Variants in PODXL observed in about 807,000 individuals in gnomAD.
PODXL encodes the protein podocalyxin like.
PODXL carries 20 observed loss-of-function variants against 48.9 expected under a neutral mutation model. The ratio of observed to expected loss-of-function variants is 0.41; its 90% CI spans 0.29 to 0.59. The LOEUF is 0.59. Ranked by LOEUF, PODXL falls within the 20% of genes least tolerant of loss-of-function variation. PODXL has a pLI of 0.31. For synonymous variants in PODXL, 295 were observed against 287.4 expected, an observed-to-expected ratio of 1.03 and a Z score of -0.27; for missense variants, 606 against 675.1, an observed-to-expected ratio of 0.90 and a Z score of 1.13.
At chr7:131,532,415 G>A (rs1204039754) in intron 1 of PODXL, among the ~76,000 whole-genome samples, 32 of 142,422 alleles carry the variant, frequency 2.2e-4, no homozygotes, top group East Asian at 6.0e-4. Flanking sequence ...CAGCCTGGGC[G>A]ACAAAGCAAG....
chr7:131,556,491 G>A lies in PODXL; in HGVS notation c.-132C>T. The A allele has an allele frequency of 9.0e-7, 1 of 1,109,900 alleles. No homozygotes were observed. Among genetic ancestry groups the A allele is most frequent in the Admixed American group, 4.3e-5 (1 of 23,162 alleles). The allele number at this position is 1,109,900 out of a possible 1,614,324, so 68.8% of individuals were successfully genotyped here. ...CTCCGGAGGCCAGGCTGTGGCCCGGGGCTCCCGAGTCGCGCTGCGGCGGCT... is the reference window on the plus strand; with the variant it reads ...CTCCGGAGGCCAGGCTGTGGCCCGGAGCTCCCGAGTCGCGCTGCGGCGGCT... On this transcript the variant is annotated 5_prime_UTR_variant, in exon 1 of 9. Coordinates refer to ENST00000378555, the MANE Select transcript of PODXL (RefSeq NM_001018111.3).
intron 1 of PODXL, among the ~76,000 whole-genome samples, chr7:131,547,219 C>T (rs1798593332): frequency 6.6e-6 from 1 of 151,872 alleles, no homozygotes; most frequent in Non-Finnish European, 1.5e-5. Context: ...ACTAAAAATA[C>T]AAACTTAGGT....
chr7:131,515,808 C>T (rs546964930), intron 1 of PODXL, among the ~76,000 whole-genome samples: 121 of 152,304 alleles, frequency 7.9e-4, no homozygotes, highest in African/African-American at 2.7e-3. Flanking sequence ...TACCACTGCT[C>T]TCCTGTAAGA....
intron 5 of PODXL, among the ~76,000 whole-genome samples, chr7:131,508,215 G>A (rs1040400538): frequency 6.6e-6 from 1 of 152,184 alleles, no homozygotes; most frequent in African/African-American, 2.4e-5. Context: ...TCACACGCAC[G>A]CTCACCACCC....
At chr7:131,537,883 G>C (rs560596439) in intron 1 of PODXL, among the ~76,000 whole-genome samples, 7 of 152,142 alleles carry the variant, frequency 4.6e-5, no homozygotes, top group Non-Finnish European at 1.0e-4. Flanking sequence ...TCCTTCTCGT[G>C]GTGTGCGGTC....
chr7:131,548,253 CG>C (rs1432688048), intron 1 of PODXL, among the ~76,000 whole-genome samples: 1 of 152,262 alleles, frequency 6.6e-6, no homozygotes, highest in Non-Finnish European at 1.5e-5. Flanking sequence ...GCTACAGAGA[CG>C]TCCAAGGTTT....
At chr7:131,530,157 C>CA (rs1258910552) in intron 1 of PODXL, among the ~76,000 whole-genome samples, 1 of 141,582 alleles carries the variant, frequency 7.1e-6, no homozygotes, top group African/African-American at 2.5e-5. Context: ...CCCACCCCCC[C>CA]ACCCCCAGCT....
At chr7:131,509,704 G>A (rs757509434) in intron 3 of PODXL, 119 bp from the exon 4 acceptor site, 17 of 619,210 alleles carry the variant, frequency 2.7e-5, no homozygotes, top group South Asian at 2.4e-4. Flanking sequence ...CCACAGAGAC[G>A]GAAGAAGTGG....
chr7:131,504,572 A>C, intron 8 of PODXL, 64 bp from the exon 9 acceptor site: 1 of 1,350,730 alleles, frequency 7.4e-7, no homozygotes, highest in Non-Finnish European at 1.1e-6. Context: ...AATACAGCGC[A>C]TGTACGTACC....
chr7:131,505,853 C>G lies in PODXL; in HGVS notation c.1479+15G>C, dbSNP rs1034679460. On this transcript the variant is annotated intron_variant, in intron 8 of 8. Coordinates refer to ENST00000378555, the MANE Select transcript of PODXL (RefSeq NM_001018111.3). ...CTGGGCTGCTTCCCCTGTGTGGCTGCAAACAGCTGCTTACCTGGTCCTTCC... is the reference window on the plus strand; with the variant it reads ...CTGGGCTGCTTCCCCTGTGTGGCTGGAAACAGCTGCTTACCTGGTCCTTCC... 1.3e-6 allele frequency: 2 copies of G among 1,549,380 alleles called. No homozygotes were observed. The highest frequency in any genetic ancestry group is 1.4e-5 in the African/African-American group (1 of 73,564).
At position 131,525,426 on chromosome 7, in the gene PODXL, C is replaced by CAAAAAAAAA. The variant is rs57927217; in HGVS notation, c.101-14002_101-13994dup. 1.9e-4 allele frequency among the ~76,000 whole-genome samples: 11 copies of CAAAAAAAAA among 59,232 alleles called. 1 individual carries two copies. The highest frequency in any genetic ancestry group is 7.3e-4 in the South Asian group (1 of 1,372). 38.9% of individuals were successfully genotyped at this position (59,232 alleles called of 152,430 possible). ...CAACATGGCAAAACCTCATCTCTAC[C>CAAAAAAAAA]AAAAAAAAAAAAAAAAAAAAAAAAA... On this transcript the variant is annotated intron_variant, in intron 1 of 8. Transcript: ENST00000378555.
intron 1 of PODXL, among the ~76,000 whole-genome samples, chr7:131,555,144 C>A (rs1366857327): frequency 6.6e-6 from 1 of 152,140 alleles, no homozygotes; most frequent in Non-Finnish European, 1.5e-5. Context: ...CTCCCCTGGC[C>A]CCTTAGAGTC....
intron 1 of PODXL, among the ~76,000 whole-genome samples, chr7:131,544,153 C>T (rs1379752486): frequency 6.6e-6 from 1 of 152,226 alleles, no homozygotes; most frequent in Non-Finnish European, 1.5e-5. Context: ...CTCAGCTCAA[C>T]ACCCAACTCA....
chr7:131,534,068 C>G (rs1191432340), intron 1 of PODXL, among the ~76,000 whole-genome samples: 1 of 141,122 alleles, frequency 7.1e-6, no homozygotes, highest in South Asian at 2.4e-4. Context: ...TCCCCTTACC[C>G]GTTAGAGCCG....
chr7:131,521,728 A>C (rs1798094833), intron 1 of PODXL, among the ~76,000 whole-genome samples: 1 of 152,222 alleles, frequency 6.6e-6, no homozygotes, highest in African/African-American at 2.4e-5. Context: ...TAAGGTCCAC[A>C]ACACAGGGCA....
At position 131,534,561 on chromosome 7, in the gene PODXL, G is replaced by T. The variant is rs576291422; in HGVS notation, c.100+21699C>A. 4.6e-5 allele frequency among the ~76,000 whole-genome samples: 7 copies of T among 152,290 alleles called. No individual in the cohort carries two copies. In the East Asian group the frequency reaches 1.4e-3, roughly 30 times the overall value. The stretch of plus-strand genomic sequence containing the variant: ...CAGTAGGGTGGGGTGGGGGTCAGGA[G>T]GGGGCTGGAGCTCAGACTTCACTGG... On this transcript the variant is annotated intron_variant, in intron 1 of 8. Coordinates refer to ENST00000378555, the MANE Select transcript of PODXL (RefSeq NM_001018111.3).
At chr7:131,515,408 A>AT (rs953423610) in intron 1 of PODXL, among the ~76,000 whole-genome samples, 28 of 150,294 alleles carry the variant, frequency 1.9e-4, no homozygotes, top group Middle Eastern at 3.4e-3. Flanking sequence ...GACCTAGAGA[A>AT]TTTTTTTTTT....
intron 1 of PODXL, among the ~76,000 whole-genome samples, chr7:131,555,120 T>C (rs1310281846): frequency 6.6e-6 from 1 of 152,134 alleles, no homozygotes; most frequent in East Asian, 1.9e-4. Flanking sequence ...GGAGAGACTG[T>C]ACTGCCCTTC....
At position 131,532,943 on chromosome 7, in the gene PODXL, C is replaced by T. The variant is rs1023502948; in HGVS notation, c.101-21510G>A. Among the ~76,000 whole-genome samples, 5 of 152,288 alleles carry T rather than the reference C, an allele frequency of 3.3e-5. 1 individual carries two copies. Among genetic ancestry groups the T allele is most frequent in the Admixed American group, 3.3e-4 (5 of 15,296 alleles). On this transcript the variant is annotated intron_variant, in intron 1 of 8. Transcript: ENST00000378555. ...CTGACCATGCCGGAACCCTGATCTG[C>T]GACTTTCAGCCCCCAGATCTGTGAG... is the stretch of plus-strand genomic sequence containing the variant.
Sources: allele counts gnomAD v4.1 joint callset (sites outside exome capture counted in the v4.1 genomes callset), GRCh38; gene constraint gnomAD v4.1.1; transcripts MANE v1.5; gene names NCBI Gene and HGNC (gene_info 2026-07-23, HGNC 2026-07-21).